Variants in SAMD12 observed in about 807,000 individuals in gnomAD.
The protein encoded by SAMD12 is sterile alpha motif domain-containing protein 12.
Under a neutral mutation model 15.0 loss-of-function variants are expected in SAMD12, and 9 were observed. That is an observed-to-expected ratio of 0.60 (90% CI 0.36 to 1.05). SAMD12 has a LOEUF of 1.05. SAMD12 is among the 50% of genes least tolerant of loss of function. The pLI is 0.01. For synonymous variants in SAMD12, 86 were observed against 90.1 expected, an observed-to-expected ratio of 0.96 and a Z score of 0.25; for missense variants, 230 against 234.2, an observed-to-expected ratio of 0.98 and a Z score of 0.12.
chr8:118,385,501 GCCAGCCT>G (rs1332164483), intron 3 of SAMD12, among the ~76,000 whole-genome samples: 1 of 152,166 alleles, frequency 6.6e-6, no homozygotes, highest in Non-Finnish European at 1.5e-5. Context: ...TTCTGGATTT[GCCAGCCT>G]CCATAATTAC....
the SAMD12 span, among the ~76,000 whole-genome samples, chr8:118,151,599 C>T: frequency 8.6e-5 from 13 of 151,978 alleles, no homozygotes; most frequent in Non-Finnish European, 1.5e-4. Flanking sequence ...GAGGCTGAGG[C>T]GGGTGGATCA....
At chr8:118,581,641 A>G (rs191951716) in intron 1 of SAMD12, among the ~76,000 whole-genome samples, 18 of 152,276 alleles carry the variant, frequency 1.2e-4, no homozygotes, top group African/African-American at 3.1e-4. Flanking sequence ...TTTTCTGGGG[A>G]TATTTATTCA....
chr8:118,218,964 T>A (rs1173995704), intron 4 of SAMD12, among the ~76,000 whole-genome samples: 2 of 152,224 alleles, frequency 1.3e-5, no homozygotes, highest in African/African-American at 4.8e-5. Flanking sequence ...TATAGTTCTC[T>A]GAAAAATTGG....
intron 4 of SAMD12, among the ~76,000 whole-genome samples, chr8:118,237,308 A>C (rs1328334446): frequency 1.3e-5 from 2 of 152,326 alleles, no homozygotes; most frequent in African/African-American, 4.8e-5. Flanking sequence ...AATTGTTGGG[A>C]TACACTAATG....
chr8:118,278,268 C>T (rs145128800), intron 4 of SAMD12, among the ~76,000 whole-genome samples: 88 of 152,248 alleles, frequency 5.8e-4, no homozygotes, highest in Admixed American at 2.0e-4. Context: ...CCCATGTAGC[C>T]CTGCAGGCTG....
chr8:118,509,817 T>A (rs113954679), intron 2 of SAMD12, among the ~76,000 whole-genome samples: 4 of 152,328 alleles, frequency 2.6e-5, no homozygotes, highest in African/African-American at 7.2e-5. Flanking sequence ...TTGTCTTAGA[T>A]TATAAATGTT....
At chr8:118,206,963 T>C (rs1350293377) in intron 4 of SAMD12, among the ~76,000 whole-genome samples, 1 of 152,322 alleles carries the variant, frequency 6.6e-6, no homozygotes, top group Non-Finnish European at 1.5e-5. Context: ...CCTGAAATGT[T>C]TGTCAAATGA....
chr8:118,516,502 T>A (rs946739340), intron 2 of SAMD12, among the ~76,000 whole-genome samples: 2 of 152,220 alleles, frequency 1.3e-5, no homozygotes, highest in African/African-American at 2.4e-5. Context: ...AGACTAGTCC[T>A]TAAAAGGGCC....
chr8:118,209,431 G>A (rs1252482894), intron 4 of SAMD12, among the ~76,000 whole-genome samples: 2 of 152,174 alleles, frequency 1.3e-5, no homozygotes, highest in African/African-American at 4.8e-5. Context: ...GTTATGAGAT[G>A]TCTTAATGAT....
At chr8:118,596,150 A>C (rs1016201715) in intron 1 of SAMD12, among the ~76,000 whole-genome samples, 3 of 152,244 alleles carry the variant, frequency 2.0e-5, no homozygotes, top group Non-Finnish European at 4.4e-5. Context: ...TTGTTTACAC[A>C]GCAGGCCCCA....
chr8:118,555,894 G>A (rs1563582192), intron 2 of SAMD12, among the ~76,000 whole-genome samples: 2 of 152,212 alleles, frequency 1.3e-5, no homozygotes, highest in Admixed American at 1.3e-4. Flanking sequence ...GATCCTTGAG[G>A]AGTGTGTCAA....
intron 2 of SAMD12, among the ~76,000 whole-genome samples, chr8:118,533,876 TG>T (rs1407295477): frequency 6.6e-6 from 1 of 152,190 alleles, no homozygotes; most frequent in Non-Finnish European, 1.5e-5. Flanking sequence ...AGCACACTGA[TG>T]GGTCTTGACT....
intron 2 of SAMD12, among the ~76,000 whole-genome samples, chr8:118,565,094 A>G (rs1184264853): frequency 6.6e-6 from 1 of 152,306 alleles, no homozygotes; most frequent in South Asian, 2.1e-4. Context: ...AACTCCACTA[A>G]TAACTATCAC....
At chr8:118,219,885 C>T (rs1006280677) in intron 4 of SAMD12, among the ~76,000 whole-genome samples, 1 of 152,226 alleles carries the variant, frequency 6.6e-6, no homozygotes, top group African/African-American at 2.4e-5. Context: ...CAACGTGCAA[C>T]TCTCAACATT....
intron 1 of SAMD12, among the ~76,000 whole-genome samples, chr8:118,613,810 G>A (rs2131320350): frequency 6.6e-6 from 1 of 152,274 alleles, no homozygotes; most frequent in Middle Eastern, 3.4e-3. Context: ...CATATTGTAT[G>A]GATGGGTGAT....
At chr8:118,143,371 A>T in the SAMD12 span, among the ~76,000 whole-genome samples, 1 of 152,230 alleles carries the variant, frequency 6.6e-6, no homozygotes, top group Non-Finnish European at 1.5e-5. Flanking sequence ...TTGAAGCCAG[A>T]TAAACCCTAA....
At chr8:118,218,111 G>A (rs1014796971) in intron 4 of SAMD12, among the ~76,000 whole-genome samples, 1 of 152,106 alleles carries the variant, frequency 6.6e-6, no homozygotes. Context: ...CAAGTATACT[G>A]ATTACAGCCT....
the SAMD12 span, among the ~76,000 whole-genome samples, chr8:118,152,474 T>A: frequency 1.4e-4 from 21 of 148,034 alleles, no homozygotes; most frequent in Non-Finnish European, 1.9e-4. Context: ...CTTCCTTCCT[T>A]CCTTCCTTCC....
chr8:118,278,100 G>A (rs1200757123), intron 4 of SAMD12, among the ~76,000 whole-genome samples: 1 of 152,184 alleles, frequency 6.6e-6, no homozygotes, highest in Non-Finnish European at 1.5e-5. Context: ...TTGGGTTCTA[G>A]TGGCAAGCAA....
Sources: gnomAD v4.1 joint callset for allele counts (sites outside exome capture counted in the v4.1 genomes callset) on GRCh38, gnomAD v4.1.1 for gene constraint, MANE v1.5 for transcripts, NCBI Gene and HGNC (gene_info 2026-07-23, HGNC 2026-07-21) for gene names.